Variants in NRP2 observed in about 807,000 individuals in gnomAD.
The protein encoded by NRP2 is neuropilin 2, also known as neuropilin-2.
NRP2 carries 52 observed loss-of-function variants against 110.4 expected under a neutral mutation model. The ratio of observed to expected loss-of-function variants is 0.47; its 90% CI spans 0.38 to 0.59. The LOEUF is 0.59. Ranked by LOEUF, NRP2 falls within the 20% of genes least tolerant of loss-of-function variation. The pLI is 0.00. For synonymous variants in NRP2, 508 were observed against 468.9 expected (o/e 1.08, Z -1.08); for missense variants, 1,049 against 1,203.0 (o/e 0.87, Z 1.89).
intron 10 of NRP2, among the ~76,000 whole-genome samples, chr2:205,749,220 A>T (rs1019611426): frequency 6.6e-6 from 1 of 152,010 alleles, no homozygotes; most frequent in Non-Finnish European, 1.5e-5. Context: ...TGCCCTCACA[A>T]CCACGTCTGC....
rs532422395 is a variant in NRP2 at position 205,749,610 on chromosome 2, C to T, written c.1787-115C>T. 4.0e-5 allele frequency: 33 copies of T among 829,592 alleles called. No homozygotes were observed. The Middle Eastern group carries it at 1.1e-3, about 28-fold the overall frequency. The allele number at this position is 829,592 out of a possible 1,614,324, so 51.4% of individuals were successfully genotyped here. A position where few individuals can be genotyped will look rare whatever the true frequency, so the allele number is the denominator to read the frequency against. On this transcript the variant is annotated intron_variant, in intron 10 of 16. Coordinates refer to ENST00000357785, the MANE Select transcript of NRP2 (RefSeq NM_003872.3). The stretch of plus-strand genomic sequence containing the variant: ...GCACACAGACATGACTTCAGAGTTC[C>T]GTGCACATGTGTGCATCTTCTTTCC...
At chr2:205,733,865 A>G (rs1438899056) in intron 7 of NRP2, among the ~76,000 whole-genome samples, 1 of 150,462 alleles carries the variant, frequency 6.6e-6, no homozygotes, top group Non-Finnish European at 1.5e-5. Context: ...CTGAAACCCT[A>G]ATCCTGTTAG....
chr2:205,711,104 A>T (rs1291452151), intron 2 of NRP2, among the ~76,000 whole-genome samples: 2 of 152,210 alleles, frequency 1.3e-5, no homozygotes, highest in Non-Finnish European at 2.9e-5. Context: ...GAGAGTATAA[A>T]ATGGATCAAA....
intron 1 of NRP2, among the ~76,000 whole-genome samples, chr2:205,684,525 C>A (rs2056098189): frequency 6.6e-6 from 1 of 152,194 alleles, no homozygotes; most frequent in Non-Finnish European, 1.5e-5. Flanking sequence ...TGGATCCTAG[C>A]CTTGCATCTG....
intron 12 of NRP2, among the ~76,000 whole-genome samples, chr2:205,755,740 T>C (rs928779150): frequency 1.3e-5 from 2 of 152,112 alleles, no homozygotes; most frequent in Non-Finnish European, 2.9e-5. Context: ...TGAAAGCCTG[T>C]TGTGTGCCAC....
intron 1 of NRP2, among the ~76,000 whole-genome samples, chr2:205,687,144 A>T (rs1163001435): frequency 6.6e-6 from 1 of 152,102 alleles, no homozygotes; most frequent in Non-Finnish European, 1.5e-5. Context: ...ACACGCGCAG[A>T]TTCTCGGTCA....
At chr2:205,718,668 G>A (rs545418004) in intron 3 of NRP2, among the ~76,000 whole-genome samples, 21 of 152,312 alleles carry the variant, frequency 1.4e-4, no homozygotes, top group South Asian at 4.1e-4. Flanking sequence ...TATGCCGGGC[G>A]CAGTGGCTCA....
At chr2:205,772,942 T>A (rs1041446448) in intron 15 of NRP2, among the ~76,000 whole-genome samples, 1 of 152,218 alleles carries the variant, frequency 6.6e-6, no homozygotes, top group Non-Finnish European at 1.5e-5. Context: ...TACCAGTAGG[T>A]CATCAACATT....
intron 15 of NRP2, among the ~76,000 whole-genome samples, chr2:205,770,373 G>A (rs2058002197): frequency 6.6e-6 from 1 of 152,178 alleles, no homozygotes; most frequent in Non-Finnish European, 1.5e-5. Flanking sequence ...GAGGGGAGCA[G>A]TATTAAGAGA....
intron 16 of NRP2, among the ~76,000 whole-genome samples, chr2:205,794,271 C>T (rs551736680): frequency 1.2e-3 from 181 of 152,124 alleles, no homozygotes; most frequent in Non-Finnish European, 2.0e-3. Context: ...CCACCACGCC[C>T]GGCTAATTTT....
intron 15 of NRP2, among the ~76,000 whole-genome samples, chr2:205,787,202 C>A (rs533764656): frequency 2.6e-5 from 4 of 152,276 alleles, no homozygotes; most frequent in Admixed American, 1.3e-4. Flanking sequence ...TGAGGCAGAA[C>A]CACATGGGAG....
intron 7 of NRP2, among the ~76,000 whole-genome samples, chr2:205,735,453 T>C (rs2105850111): frequency 6.8e-6 from 1 of 148,080 alleles, no homozygotes; most frequent in African/African-American, 2.5e-5. Context: ...TCTTATTAGA[T>C]TTTATATATA....
At position 205,725,817 on chromosome 2, in the gene NRP2, T is replaced by C. The variant is rs2057116052; in HGVS notation, c.821-96T>C. ...AGGGTCTTTTAAATGAGGAAGTGCCTGCAAGGACTTGTCCCTAGAAGGGAG... is the reference window on the plus strand; with the variant it reads ...AGGGTCTTTTAAATGAGGAAGTGCCCGCAAGGACTTGTCCCTAGAAGGGAG... On this transcript the variant is annotated intron_variant, in intron 5 of 16. Coordinates refer to ENST00000357785, the MANE Select transcript of NRP2 (RefSeq NM_003872.3). This position sits in a 1 kb window ranked among gnomAD's most constrained non-coding sequence, Gnocchi z 4.1. 8 of 1,269,400 alleles carry C rather than the reference T, an allele frequency of 6.3e-6. No individual in the cohort carries two copies. Among genetic ancestry groups the C allele is most frequent in the Admixed American group, 1.7e-5 (1 of 58,866 alleles). 78.6% of individuals were successfully genotyped at this position (1,269,400 alleles called of 1,614,324 possible). A position where few individuals can be genotyped will look rare whatever the true frequency, so the allele number is the denominator to read the frequency against.
chr2:205,700,065 C>T (rs79085484), intron 2 of NRP2, among the ~76,000 whole-genome samples: 3,082 of 151,982 alleles, frequency 0.02, 89 homozygotes, highest in African/African-American at 0.069. Context: ...TTTGACATTT[C>T]CCCTGGCCAT....
At chr2:205,737,101 G>A (rs575964994) in intron 7 of NRP2, among the ~76,000 whole-genome samples, 60 of 152,262 alleles carry the variant, frequency 3.9e-4, no homozygotes, top group South Asian at 2.1e-3. Context: ...GGACTAAGGC[G>A]TTGTTATTCA....
At position 205,776,536 on chromosome 2, in the gene NRP2, C is replaced by T. The variant is rs200540514; in HGVS notation, c.2425+9733C>T. 771 of 1,602,466 alleles carry T rather than the reference C, an allele frequency of 4.8e-4. No individual in the cohort carries two copies. Among genetic ancestry groups the T allele is most frequent in the Non-Finnish European group, 6.0e-4 (712 of 1,179,974 alleles). ...TGGCTCGCACTGCTGAGGGCCGAAG[C>T]AAGAACAGCACCCAAAACAAACGAG... On this transcript the variant is annotated intron_variant, in intron 15 of 16. Transcript: ENST00000357785.
At chr2:205,753,513 G>T (rs1375557061) in intron 12 of NRP2, among the ~76,000 whole-genome samples, 4 of 152,190 alleles carry the variant, frequency 2.6e-5, no homozygotes, top group Non-Finnish European at 4.4e-5. Context: ...GCCTCTAGAA[G>T]AGTATTGCTG....
At chr2:205,739,424 C>T (rs2057400831) in intron 7 of NRP2, among the ~76,000 whole-genome samples, 1 of 152,100 alleles carries the variant, frequency 6.6e-6, no homozygotes. Context: ...ACCAGTTTCC[C>T]CAGTTCTCTT....
At chr2:205,772,629 G>A (rs1224893397) in intron 15 of NRP2, among the ~76,000 whole-genome samples, 7 of 152,170 alleles carry the variant, frequency 4.6e-5, no homozygotes, top group East Asian at 1.9e-4. Context: ...GTGAGTAAGC[G>A]GTAGAAATTA....
Sources: allele counts gnomAD v4.1 joint callset (sites outside exome capture counted in the v4.1 genomes callset), GRCh38; gene constraint gnomAD v4.1.1; non-coding constraint Gnocchi (gnomAD v3.1); transcripts MANE v1.5; gene names NCBI Gene and HGNC (gene_info 2026-07-23, HGNC 2026-07-21).